CHRM3: variants seen among roughly 807,000 people sequenced by gnomAD.
CHRM3 encodes cholinergic receptor muscarinic 3, also known as muscarinic acetylcholine receptor M3.
In CHRM3, 11 loss-of-function variants were observed where a neutral mutation model predicts 41.8. That is an observed-to-expected ratio of 0.26 (90% CI 0.17 to 0.44). The LOEUF (loss-of-function observed/expected upper bound fraction) is 0.44. Among genes scored for constraint, CHRM3 ranks in the 20% least tolerant of loss-of-function variants. CHRM3 has a pLI of 1.00. For missense variants in CHRM3, 571 were observed against 745.4 expected (o/e 0.77, Z 2.72); for synonymous variants, 297 against 301.4 (o/e 0.99, Z 0.15).
chr1:239,895,258 C>T (rs866775783), intron 6 of CHRM3, among the ~76,000 whole-genome samples: 16 of 152,138 alleles, frequency 1.1e-4, no homozygotes, highest in African/African-American at 3.1e-4. Context: ...TGAATTCTTT[C>T]GTTTCTTGGG....
At chr1:239,725,686 G>A (rs1184432410) in intron 5 of CHRM3, among the ~76,000 whole-genome samples, 3 of 151,940 alleles carry the variant, frequency 2.0e-5, no homozygotes, top group South Asian at 2.1e-4. Context: ...TTAACCAACA[G>A]TAATGAAAGC....
intron 4 of CHRM3, among the ~76,000 whole-genome samples, chr1:239,644,096 C>CA: frequency 6.6e-6 from 1 of 152,184 alleles, no homozygotes; most frequent in East Asian, 1.9e-4. Flanking sequence ...TGGGGTAAGG[C>CA]AAATGATTTT....
chr1:239,407,318 A>G (rs1273841970), intron 1 of CHRM3, among the ~76,000 whole-genome samples: 2 of 151,704 alleles, frequency 1.3e-5, no homozygotes, highest in African/African-American at 4.8e-5. Flanking sequence ...AGCATCTGTC[A>G]CTGCCTGACA....
At chr1:239,793,069 G>T (rs191556310) in intron 5 of CHRM3, among the ~76,000 whole-genome samples, 1 of 152,248 alleles carries the variant, frequency 6.6e-6, no homozygotes, top group Admixed American at 6.5e-5. Flanking sequence ...GCATTTCTCA[G>T]TATTTGTCAC....
At chr1:239,655,001 G>A (rs1239078292) in intron 4 of CHRM3, among the ~76,000 whole-genome samples, 3 of 152,170 alleles carry the variant, frequency 2.0e-5, no homozygotes, top group East Asian at 1.9e-4. Context: ...GCTACTGGAC[G>A]TTGTTCTTAC....
At chr1:239,756,544 G>T (rs1666257173) in intron 5 of CHRM3, among the ~76,000 whole-genome samples, 1 of 151,992 alleles carries the variant, frequency 6.6e-6, no homozygotes, top group Admixed American at 6.5e-5. Context: ...TGTGTGTGCT[G>T]GACCACTATA....
intron 5 of CHRM3, among the ~76,000 whole-genome samples, chr1:239,718,238 A>T (rs2148306653): frequency 6.6e-6 from 1 of 152,224 alleles, no homozygotes; most frequent in East Asian, 1.9e-4. Context: ...TATATTTTCC[A>T]ATCACAACTG....
chr1:239,831,311 C>G (rs1156454242), intron 6 of CHRM3, among the ~76,000 whole-genome samples: 1 of 152,108 alleles, frequency 6.6e-6, no homozygotes, highest in East Asian at 1.9e-4. Context: ...AAAGGAAGCT[C>G]CTGGTGGTCA....
intron 5 of CHRM3, among the ~76,000 whole-genome samples, chr1:239,737,835 G>T (rs927001481): frequency 2.6e-5 from 4 of 152,086 alleles, no homozygotes; most frequent in African/African-American, 9.7e-5. Flanking sequence ...TATCTGATTA[G>T]ATCTCAGAGA....
chr1:239,716,377 T>G (rs1249400038), intron 5 of CHRM3, among the ~76,000 whole-genome samples: 1 of 152,064 alleles, frequency 6.6e-6, no homozygotes, highest in Admixed American at 6.6e-5. Flanking sequence ...TGTGACTGGC[T>G]GAAGCAGAGT....
chr1:239,597,895 G>A (rs1423195817), intron 3 of CHRM3, among the ~76,000 whole-genome samples: 1 of 124,260 alleles, frequency 8.0e-6, no homozygotes, highest in Non-Finnish European at 1.6e-5. Flanking sequence ...GGAGAGCTTT[G>A]ACAAATCTTT....
At chr1:239,762,047 C>G (rs1438536616) in intron 5 of CHRM3, among the ~76,000 whole-genome samples, 2 of 152,150 alleles carry the variant, frequency 1.3e-5, no homozygotes, top group African/African-American at 4.8e-5. Context: ...TCTTGGAGAT[C>G]ACTGTCATGC....
intron 5 of CHRM3, among the ~76,000 whole-genome samples, chr1:239,684,742 AAGAAAG>A (rs3831978): frequency 0.035 from 4,385 of 125,738 alleles, 103 homozygotes; most frequent in African/African-American, 0.073. Context: ...GAAAGAGAGA[AAGAAAG>A]AGAAAGAAAG....
At chr1:239,418,576 A>C (rs538590758) in intron 1 of CHRM3, among the ~76,000 whole-genome samples, 1 of 152,310 alleles carries the variant, frequency 6.6e-6, no homozygotes. Flanking sequence ...TTTGGGGAGA[A>C]ATTTTTTTAA....
chr1:239,427,465 A>G (rs928158286), intron 1 of CHRM3, among the ~76,000 whole-genome samples: 1 of 152,094 alleles, frequency 6.6e-6, no homozygotes, highest in African/African-American at 2.4e-5. Flanking sequence ...GAACTTAGCC[A>G]CTGCCAACCC....
intron 5 of CHRM3, among the ~76,000 whole-genome samples, chr1:239,735,059 C>T (rs959791487): frequency 7.9e-5 from 12 of 151,988 alleles, no homozygotes; most frequent in Admixed American, 3.3e-4. Context: ...TTTGATTTGC[C>T]GATTTTTGTG....
At chr1:239,789,175 G>A (rs560625006) in intron 5 of CHRM3, among the ~76,000 whole-genome samples, 1 of 152,092 alleles carries the variant, frequency 6.6e-6, no homozygotes, top group African/African-American at 2.4e-5. Context: ...GTCATTGGAG[G>A]GTACTAGACC....
At chr1:239,683,083 TC>T (rs1207391108) in intron 5 of CHRM3, among the ~76,000 whole-genome samples, 1 of 152,082 alleles carries the variant, frequency 6.6e-6, no homozygotes, top group East Asian at 1.9e-4. Flanking sequence ...CAAGACTCAT[TC>T]CCCCTTTTTA....
intron 1 of CHRM3, among the ~76,000 whole-genome samples, chr1:239,473,263 G>GAAAAAAAA (rs200627399): frequency 1.2e-5 from 1 of 80,498 alleles, no homozygotes; most frequent in Non-Finnish European, 2.7e-5. Flanking sequence ...AAGCATATTT[G>GAAAAAAAA]AAAAAAAAAA....
Sources: gnomAD v4.1 joint callset for allele counts (sites outside exome capture counted in the v4.1 genomes callset) on GRCh38, gnomAD v4.1.1 for gene constraint, MANE v1.5 for transcripts, NCBI Gene and HGNC (gene_info 2026-07-23, HGNC 2026-07-21) for gene names.